SGCG: variants seen among roughly 807,000 people sequenced by gnomAD.
SGCG encodes the protein sarcoglycan gamma.
SGCG carries 26 observed loss-of-function variants against 29.3 expected under a neutral mutation model. The observed-to-expected ratio is 0.89, with a 90% CI of 0.65 to 1.23. SGCG has a LOEUF of 1.23. Among genes scored for constraint, SGCG ranks in the 50% most tolerant of loss-of-function variants. The pLI is 0.00. For synonymous variants in SGCG, 145 were observed against 129.7 expected (o/e 1.12, Z -0.80); for missense variants, 353 against 356.0 (o/e 0.99, Z 0.07).
At chr13:23,286,939 G>C (rs1295731688) in intron 5 of SGCG, among the ~76,000 whole-genome samples, 1 of 152,176 alleles carries the variant, frequency 6.6e-6, no homozygotes, top group Non-Finnish European at 1.5e-5. Flanking sequence ...ACCTCAGAGA[G>C]CAAAATTGCA....
intron 5 of SGCG, among the ~76,000 whole-genome samples, chr13:23,289,209 C>T (rs1304976097): frequency 6.6e-6 from 1 of 152,180 alleles, no homozygotes; most frequent in Non-Finnish European, 1.5e-5. Context: ...CTGCACGCAG[C>T]GATCAACGCC....
intron 5 of SGCG, among the ~76,000 whole-genome samples, chr13:23,294,371 C>T (rs4569110): frequency 0.11 from 16,908 of 152,218 alleles, 1,011 homozygotes; most frequent in African/African-American, 0.13. Flanking sequence ...ATGTAGAATT[C>T]GTTGCTTCCA....
intron 6 of SGCG, among the ~76,000 whole-genome samples, chr13:23,317,874 G>A (rs1464925654): frequency 6.6e-6 from 1 of 152,226 alleles, no homozygotes; most frequent in Non-Finnish European, 1.5e-5. Flanking sequence ...TTGGTCCTGG[G>A]TGTGTCTGTG....
intron 4 of SGCG, among the ~76,000 whole-genome samples, chr13:23,251,802 G>T (rs534682946): frequency 1.1e-4 from 16 of 152,238 alleles, no homozygotes; most frequent in African/African-American, 3.6e-4. Context: ...GGATAGATTT[G>T]CTAAGTCTAG....
intron 2 of SGCG, among the ~76,000 whole-genome samples, chr13:23,212,398 TG>T (rs1044042138): frequency 4.9e-5 from 4 of 81,074 alleles, no homozygotes; most frequent in African/African-American, 2.1e-4. Flanking sequence ...CACAATTTTC[TG>T]GTTGTTAAAT....
At chr13:23,223,466 G>C (rs1481616155) in intron 2 of SGCG, among the ~76,000 whole-genome samples, 1 of 151,892 alleles carries the variant, frequency 6.6e-6, no homozygotes, top group Non-Finnish European at 1.5e-5. Context: ...TATCACAAAT[G>C]CATTAAGTTA....
Position 23,203,890 on chromosome 13 carries a change from G to A in SGCG, c.195+1G>A. 6.3e-7 allele frequency: 1 copy of A among 1,592,934 alleles called. No homozygotes were observed. Among genetic ancestry groups the A allele is most frequent in the South Asian group, 1.1e-5 (1 of 90,610 alleles). On this transcript the variant is annotated splice_donor_variant, in intron 2 of 7. Transcript: ENST00000218867. LOFTEE classifies it high-confidence loss of function. The stretch of plus-strand genomic sequence containing the variant: ...TCTTAAAGTGATGTGGTTTTCTCCA[G>A]TAAGTATCATTATTTTCTGGTAAGC...
At chr13:23,177,515 T>C (rs1347969190), upstream of SGCG, among the ~76,000 whole-genome samples, 4 of 151,708 alleles carry the variant, frequency 2.6e-5, no homozygotes, top group Non-Finnish European at 5.9e-5. Flanking sequence ...ATACAATTAA[T>C]ATGTGTCCGT....
At chr13:23,199,345 G>A (rs551043704) in intron 1 of SGCG, among the ~76,000 whole-genome samples, 1 of 152,298 alleles carries the variant, frequency 6.6e-6, no homozygotes, top group African/African-American at 2.4e-5. Flanking sequence ...ACAAAGTGCT[G>A]TGTGTTATTC....
chr13:23,175,995 A>G (rs1345374559), upstream of SGCG, among the ~76,000 whole-genome samples: 1 of 152,166 alleles, frequency 6.6e-6, no homozygotes, highest in Non-Finnish European at 1.5e-5. Context: ...ATCTATGGCC[A>G]TCTATTTTGA....
At chr13:23,167,564 T>C in the SGCG span, among the ~76,000 whole-genome samples, 3 of 152,220 alleles carry the variant, frequency 2.0e-5, no homozygotes, top group Non-Finnish European at 4.4e-5. Flanking sequence ...CCAGCATTTG[T>C]TATTGCCTGT....
At chr13:23,292,899 G>A (rs1881770175) in intron 5 of SGCG, among the ~76,000 whole-genome samples, 1 of 152,068 alleles carries the variant, frequency 6.6e-6, no homozygotes, top group Non-Finnish European at 1.5e-5. Context: ...ATTGACTTGA[G>A]GTGTATTAAA....
chr13:23,241,010 G>A (rs1039086860), intron 3 of SGCG, among the ~76,000 whole-genome samples: 26 of 151,916 alleles, frequency 1.7e-4, no homozygotes, highest in African/African-American at 4.3e-4. Context: ...TTAACCGGGC[G>A]TGGTGGCGGG....
At chr13:23,250,228 G>A (rs917087372) in intron 3 of SGCG, among the ~76,000 whole-genome samples, 2 of 152,018 alleles carry the variant, frequency 1.3e-5, no homozygotes, top group African/African-American at 2.4e-5. Flanking sequence ...AAACACAAAT[G>A]TATTACAAAA....
chr13:23,306,782 G>A (rs1882375534), intron 6 of SGCG, among the ~76,000 whole-genome samples: 1 of 152,046 alleles, frequency 6.6e-6, no homozygotes, highest in African/African-American at 2.4e-5. Flanking sequence ...AATACAAAAT[G>A]TCAGAAAAAA....
At chr13:23,219,801 C>T (rs544617737) in intron 2 of SGCG, among the ~76,000 whole-genome samples, 2 of 145,918 alleles carry the variant, frequency 1.4e-5, no homozygotes, top group Admixed American at 1.4e-4. Flanking sequence ...CTAACTTTTA[C>T]TGAAACTAGG....
At chr13:23,303,922 T>C (rs79918380) in intron 6 of SGCG, among the ~76,000 whole-genome samples, 28,313 of 106,110 alleles carry the variant, frequency 0.27, 3,351 homozygotes, top group Middle Eastern at 0.37. Flanking sequence ...CCCAACACAA[T>C]GTGTTTTAAA....
At chr13:23,243,370 C>A (rs1056554453) in intron 3 of SGCG, 3 of 152,282 alleles carry the variant, frequency 2.0e-5, no homozygotes, top group Non-Finnish European at 4.4e-5. Context: ...GGTGCATGTG[C>A]CTTTTTCACA....
At chr13:23,169,617 T>A in the SGCG span, among the ~76,000 whole-genome samples, 13 of 151,428 alleles carry the variant, frequency 8.6e-5, no homozygotes, top group African/African-American at 2.9e-4. Flanking sequence ...AGGCAAAGGT[T>A]GCAGTGAGCC....
Sources: gnomAD v4.1 joint callset for allele counts (sites outside exome capture counted in the v4.1 genomes callset) on GRCh38, gnomAD v4.1.1 for gene constraint, MANE v1.5 for transcripts, NCBI Gene and HGNC (gene_info 2026-07-23, HGNC 2026-07-21) for gene names.